USP32: variants seen among roughly 807,000 people sequenced by gnomAD.
USP32 encodes ubiquitin carboxyl-terminal hydrolase 32.
USP32 carries 59 observed loss-of-function variants against 204.8 expected under a neutral mutation model. The observed-to-expected ratio is 0.29, with a 90% confidence interval of 0.23 to 0.36. The LOEUF is 0.36. Among genes scored for constraint, USP32 ranks in the 10% least tolerant of loss-of-function variants. The probability of loss-of-function intolerance (pLI) is 1.00; values close to 1 mark genes in which losing one functional copy is unlikely to be tolerated. For missense variants in USP32, 1,160 were observed against 1,946.4 expected, an observed-to-expected ratio of 0.60 and a Z score of 7.60; for synonymous variants, 517 against 678.4, an observed-to-expected ratio of 0.76 and a Z score of 3.70.
chr17:60,395,749 T>C (rs532615268), upstream of USP32, among the ~76,000 whole-genome samples: 142 of 152,268 alleles, frequency 9.3e-4, 1 homozygote, highest in Non-Finnish European at 1.7e-3. Flanking sequence ...GCACAGGAGA[T>C]TGGCATGTAA....
chr17:60,392,273 G>A, upstream of USP32: 1 of 372,422 alleles, frequency 2.7e-6, no homozygotes, highest in South Asian at 2.8e-5. Flanking sequence ...CACGGGACCC[G>A]AGGCCAGACA....
chr17:60,183,589 G>T, intron 30 of USP32, 136 bp from the exon 31 acceptor site: 1 of 1,288,592 alleles, frequency 7.8e-7, no homozygotes, highest in South Asian at 1.5e-5. Flanking sequence ...ATTTTTTAAA[G>T]ACTTCAAAAA....
intron 11 of USP32, 117 bp from the exon 12 acceptor site, chr17:60,236,357 G>A: frequency 2.6e-6 from 2 of 759,118 alleles, no homozygotes; most frequent in Non-Finnish European, 4.2e-6. Flanking sequence ...ATGTAATTAG[G>A]AGAGACTGCC....
rs1278896872 is a variant in USP32, at chr17:60,201,660, A to AT, written c.3250-3217dup. Among the ~76,000 whole-genome samples the AT allele has an allele frequency of 5.3e-3, 734 of 137,456 alleles. 3 individuals are homozygous for AT. The highest frequency in any genetic ancestry group is 0.019 in the Middle Eastern group (5 of 270). 90.2% of individuals were successfully genotyped at this position (137,456 alleles called of 152,430 possible). A position where few individuals can be genotyped will look rare whatever the true frequency, so the allele number is the denominator to read the frequency against. On this transcript the variant is annotated intron_variant, in intron 26 of 33. Coordinates refer to ENST00000300896, the MANE Select transcript of USP32 (RefSeq NM_032582.4). ...TCACTGATTACTAGTGTCGTTGATC[A>AT]TTTTTTTTTTTTTTTTGAGACGGAG...
At chr17:60,196,267 C>T (rs1427696441) in intron 27 of USP32, among the ~76,000 whole-genome samples, 6 of 133,788 alleles carry the variant, frequency 4.5e-5, no homozygotes, top group South Asian at 2.1e-4. Flanking sequence ...TCTATCCCCA[C>T]GCCAAAAAAA....
At chr17:60,349,857 T>G (rs1314127384) in intron 1 of USP32, among the ~76,000 whole-genome samples, 1 of 150,548 alleles carries the variant, frequency 6.6e-6, no homozygotes, top group Non-Finnish European at 1.5e-5. Context: ...ACTGAAATGT[T>G]CCTACAGATC....
chr17:60,234,996 A>T (rs2085683976), intron 12 of USP32, among the ~76,000 whole-genome samples: 1 of 152,086 alleles, frequency 6.6e-6, no homozygotes, highest in Non-Finnish European at 1.5e-5. Context: ...CCCTCCCCAA[A>T]TTTCTTTAGT....
chr17:60,249,689 G>A, intron 11 of USP32: 2 of 698,836 alleles, frequency 2.9e-6, no homozygotes, highest in East Asian at 2.7e-5. Flanking sequence ...TTCTCACCAA[G>A]GATTAGTAGT....
intron 2 of USP32, among the ~76,000 whole-genome samples, chr17:60,336,437 C>T (rs2088517935): frequency 7.0e-6 from 1 of 142,882 alleles, no homozygotes; most frequent in South Asian, 2.1e-4. Flanking sequence ...ATGAATTGGC[C>T]GGGCGCGGTG....
chr17:60,393,157 T>G (rs373876348), upstream of USP32, among the ~76,000 whole-genome samples: 3 of 152,198 alleles, frequency 2.0e-5, no homozygotes, highest in Non-Finnish European at 4.4e-5. Context: ...GCAACCGCTG[T>G]CCTACTATCA....
chr17:60,400,060 G>T (rs918958569), intron 1 of USP32, among the ~76,000 whole-genome samples: 2 of 151,994 alleles, frequency 1.3e-5, no homozygotes, highest in Non-Finnish European at 2.9e-5. Flanking sequence ...CACCTCCCAG[G>T]TTCAAGCAAT....
At chr17:60,328,536 C>G (rs2088301156) in intron 2 of USP32, among the ~76,000 whole-genome samples, 1 of 152,232 alleles carries the variant, frequency 6.6e-6, no homozygotes, top group African/African-American at 2.4e-5. Flanking sequence ...ATACCTCATT[C>G]TTCCTGGGTG....
intron 7 of USP32, among the ~76,000 whole-genome samples, chr17:60,267,251 C>CA (rs1054409275): frequency 2.0e-5 from 3 of 151,856 alleles, no homozygotes; most frequent in African/African-American, 7.2e-5. Context: ...ACTAAAAATA[C>CA]AAAAAATTAG....
In USP32 at chr17:60,407,608, G is replaced by A. The variant is rs528686762; in HGVS notation, c.106+14638C>T. On this transcript the variant is annotated intron_variant, in intron 1 of 3. Coordinates refer to the USP32 transcript ENST00000588898. ...CTTTAAGGGAAGACTACAAAATACA[G>A]ACATTCAACAATGTGACATCCACAT... Among the ~76,000 whole-genome samples, 6 of 151,992 alleles carry A rather than the reference G, an allele frequency of 3.9e-5. No homozygotes were observed. In the South Asian group the frequency reaches 1.2e-3, roughly 32 times the overall value.
chr17:60,286,408 G>C (rs915753413), intron 5 of USP32, among the ~76,000 whole-genome samples: 3 of 152,158 alleles, frequency 2.0e-5, no homozygotes, highest in Non-Finnish European at 2.9e-5. Flanking sequence ...CACAGAGAAG[G>C]CCATGTGAAG....
chr17:60,420,103 T>C lies in USP32; in HGVS notation c.106+2143A>G, dbSNP rs144186406. On this transcript the variant is annotated intron_variant, in intron 1 of 3. Coordinates refer to the USP32 transcript ENST00000588898. The stretch of plus-strand genomic sequence containing the variant: ...ATTTTATTTTATTTTATTTGTTTTG[T>C]TTTATTTTATTTATTTTGTTTTACT... 4.5e-3 allele frequency among the ~76,000 whole-genome samples: 673 copies of C among 151,070 alleles called. 9 individuals carry two copies. Among genetic ancestry groups the C allele is most frequent in the African/African-American group, 0.015 (619 of 41,312 alleles).
upstream of USP32, chr17:60,392,475 G>C: frequency 8.5e-6 from 2 of 236,214 alleles, no homozygotes; most frequent in Non-Finnish European, 1.8e-5. Context: ...GGGCGCTTGA[G>C]GACGACCCCC....
chr17:60,414,720 C>T (rs937858470), intron 1 of USP32, among the ~76,000 whole-genome samples: 12 of 152,266 alleles, frequency 7.9e-5, no homozygotes, highest in Non-Finnish European at 1.3e-4. Flanking sequence ...TGAGCCACCA[C>T]GCCCAGCCAG....
intron 1 of USP32, among the ~76,000 whole-genome samples, chr17:60,373,360 A>C (rs2146093330): frequency 6.6e-6 from 1 of 152,242 alleles, no homozygotes; most frequent in Non-Finnish European, 1.5e-5. Context: ...GTACTGCAGT[A>C]GATTTTATAA....
Sources: gnomAD v4.1 joint callset for allele counts (sites outside exome capture counted in the v4.1 genomes callset) on GRCh38, gnomAD v4.1.1 for gene constraint, MANE v1.5 for transcripts, NCBI Gene and HGNC (gene_info 2026-07-23, HGNC 2026-07-21) for gene names.